Variants in LHFPL2 observed in about 807,000 individuals in gnomAD.
The protein encoded by LHFPL2 is LHFPL tetraspan subfamily member 2 protein.
LHFPL2 carries 7 observed loss-of-function variants against 17.5 expected under a neutral mutation model. That is an observed-to-expected ratio of 0.40 (90% CI 0.23 to 0.75). The LOEUF (loss-of-function observed/expected upper bound fraction) is 0.75. Among genes scored for constraint, LHFPL2 ranks in the 30% least tolerant of loss-of-function variants. The pLI, the probability that LHFPL2 is intolerant of heterozygous loss-of-function variation, is 0.37. For synonymous variants in LHFPL2, 134 were observed against 116.2 expected (o/e 1.15, Z -0.99); for missense variants, 241 against 294.8 (o/e 0.82, Z 1.34).
intron 2 of LHFPL2, among the ~76,000 whole-genome samples, chr5:78,616,117 T>C (rs1455382039): frequency 1.3e-5 from 1 of 75,346 alleles, no homozygotes. Context: ...AGGTTTTTGT[T>C]GTTGTTGTTG....
Position 78,565,328 on chromosome 5 carries a change from C to G in LHFPL2, c.-244-457G>C, listed in dbSNP as rs565586288. ...AGTTACGCTGGTTAATGTTCTAAAGCTAAATTCACAAAGATGTCAAGACTG... is the reference window on the plus strand; with the variant it reads ...AGTTACGCTGGTTAATGTTCTAAAGGTAAATTCACAAAGATGTCAAGACTG... On this transcript the variant is annotated intron_variant, in intron 2 of 4. Coordinates refer to ENST00000380345, the MANE Select transcript of LHFPL2 (RefSeq NM_005779.3). Among the ~76,000 whole-genome samples, 20 of 152,204 alleles carry G rather than the reference C, an allele frequency of 1.3e-4. No homozygotes were observed. In the East Asian group the frequency reaches 3.7e-3, roughly 28 times the overall value.
chr5:78,508,021 T>C (rs557409473), intron 4 of LHFPL2, among the ~76,000 whole-genome samples: 2 of 152,128 alleles, frequency 1.3e-5, no homozygotes, highest in South Asian at 2.1e-4. Flanking sequence ...AGCAGGGATA[T>C]TTCTCTGACA....
At chr5:78,608,347 G>A (rs975070127) in intron 2 of LHFPL2, among the ~76,000 whole-genome samples, 1 of 152,156 alleles carries the variant, frequency 6.6e-6, no homozygotes, top group East Asian at 1.9e-4. Context: ...AGTTTTAGGA[G>A]CAATATGAAA....
At chr5:78,608,014 G>A (rs1322276868) in intron 2 of LHFPL2, among the ~76,000 whole-genome samples, 1 of 152,196 alleles carries the variant, frequency 6.6e-6, no homozygotes, top group African/African-American at 2.4e-5. Flanking sequence ...GTAAAAGAAA[G>A]ATAAGCAATT....
chr5:78,490,289 T>G (rs1363283797), intron 4 of LHFPL2, among the ~76,000 whole-genome samples: 1 of 151,598 alleles, frequency 6.6e-6, no homozygotes, highest in East Asian at 1.9e-4. Context: ...ACAAAAGGAG[T>G]CGCTTGCTGA....
intron 3 of LHFPL2, among the ~76,000 whole-genome samples, chr5:78,545,448 T>C (rs895106806): frequency 6.6e-6 from 1 of 152,218 alleles, no homozygotes; most frequent in Non-Finnish European, 1.5e-5. Flanking sequence ...CAAGGTACTG[T>C]TCATAAATGT....
Position 78,492,895 on chromosome 5 carries a change from G to C in LHFPL2, c.431-3742C>G, listed in dbSNP as rs551738299. 2.0e-5 allele frequency among the ~76,000 whole-genome samples: 3 copies of C among 152,278 alleles called. No individual in the cohort carries two copies. In the South Asian group the frequency reaches 6.2e-4, roughly 32 times the overall value. ...CAAGAGCGCCTTAACCCAGGGCTCC[G>C]TGGGGCAGTGGAGGAAGTCACCACT... On this transcript the variant is annotated intron_variant, in intron 4 of 4. Coordinates refer to ENST00000380345, the MANE Select transcript of LHFPL2 (RefSeq NM_005779.3).
At chr5:78,583,082 T>G (rs1453516708) in intron 2 of LHFPL2, among the ~76,000 whole-genome samples, 2 of 152,150 alleles carry the variant, frequency 1.3e-5, no homozygotes, top group Non-Finnish European at 2.9e-5. Context: ...AAAGTCTGTT[T>G]TATCAGAGAC....
chr5:78,550,462 G>A (rs1194043298), intron 3 of LHFPL2, among the ~76,000 whole-genome samples: 2 of 152,218 alleles, frequency 1.3e-5, no homozygotes, highest in Admixed American at 6.5e-5. Flanking sequence ...TAGTCCCTAT[G>A]CATGGAGAGG....
intron 3 of LHFPL2, among the ~76,000 whole-genome samples, chr5:78,528,163 T>A: frequency 6.6e-6 from 1 of 152,208 alleles, no homozygotes; most frequent in East Asian, 1.9e-4. Flanking sequence ...GCTATGGGCT[T>A]CCAAGTTCTA....
At chr5:78,494,900 T>C (rs910812840) in intron 4 of LHFPL2, among the ~76,000 whole-genome samples, 11 of 152,086 alleles carry the variant, frequency 7.2e-5, no homozygotes, top group African/African-American at 2.7e-4. Context: ...AATGCAAACG[T>C]AGGAAACACA....
At chr5:78,500,194 T>C (rs1007879519) in intron 4 of LHFPL2, among the ~76,000 whole-genome samples, 1 of 152,156 alleles carries the variant, frequency 6.6e-6, no homozygotes, top group Admixed American at 6.5e-5. Flanking sequence ...TTAGACAAAA[T>C]TGGGCAATGA....
At chr5:78,499,250 G>T (rs1171970239) in intron 4 of LHFPL2, among the ~76,000 whole-genome samples, 1 of 152,204 alleles carries the variant, frequency 6.6e-6, no homozygotes, top group African/African-American at 2.4e-5. Context: ...TTGTAAAGAT[G>T]ATTAGAACCC....
intron 1 of LHFPL2, among the ~76,000 whole-genome samples, chr5:78,635,093 C>G (rs1266190944): frequency 3.3e-5 from 5 of 152,174 alleles, no homozygotes; most frequent in Non-Finnish European, 7.3e-5. Context: ...TCTGTCGGTT[C>G]TGGTTTACTC....
chr5:78,640,579 C>A (rs571503503), intron 1 of LHFPL2, among the ~76,000 whole-genome samples: 3 of 152,220 alleles, frequency 2.0e-5, no homozygotes, highest in East Asian at 3.9e-4. Flanking sequence ...TGTACAAAAA[C>A]CAAAATACTT....
chr5:78,503,988 T>G (rs1253892368), intron 4 of LHFPL2, among the ~76,000 whole-genome samples: 1 of 152,178 alleles, frequency 6.6e-6, no homozygotes, highest in African/African-American at 2.4e-5. Context: ...GAAATTGAAT[T>G]CTGACCTACC....
intron 3 of LHFPL2, among the ~76,000 whole-genome samples, chr5:78,519,156 C>T (rs528133309): frequency 3.3e-5 from 5 of 151,776 alleles, no homozygotes; most frequent in Non-Finnish European, 7.4e-5. Context: ...CACAGCCCTC[C>T]GTAAGAGAGA....
At chr5:78,629,725 A>G (rs1745176305) in intron 2 of LHFPL2, among the ~76,000 whole-genome samples, 1 of 152,230 alleles carries the variant, frequency 6.6e-6, no homozygotes, top group Non-Finnish European at 1.5e-5. Context: ...GTCCCAGATC[A>G]GGAGACAAGC....
chr5:78,563,434 G>A (rs1260739427), intron 3 of LHFPL2, among the ~76,000 whole-genome samples: 1 of 152,082 alleles, frequency 6.6e-6, no homozygotes, highest in Non-Finnish European at 1.5e-5. Context: ...GGTGACTCAC[G>A]CCTGTAATCC....
Sources: gnomAD v4.1 joint callset for allele counts (sites outside exome capture counted in the v4.1 genomes callset) on GRCh38, gnomAD v4.1.1 for gene constraint, MANE v1.5 for transcripts, NCBI Gene and HGNC (gene_info 2026-07-23, HGNC 2026-07-21) for gene names.